The following SHANK2 variants were observed in gnomAD, a reference collection of about 807,000 sequenced individuals.
The protein encoded by SHANK2 is SH3 and multiple ankyrin repeat domains 2, also known as SH3 and multiple ankyrin repeat domains protein 2.
A neutral mutation model predicts 133.7 loss-of-function variants in SHANK2; 43 were observed. The observed-to-expected ratio is 0.32, with a 90% CI of 0.25 to 0.41. The LOEUF is 0.41. Ranked by LOEUF, SHANK2 falls within the 10% of genes least tolerant of loss-of-function variation. The probability of loss-of-function intolerance (pLI) is 1.00; values close to 1 mark genes in which losing one functional copy is unlikely to be tolerated. For missense variants in SHANK2, 1,994 were observed against 2,235.8 expected (o/e 0.89, Z 2.18); for synonymous variants, 1,017 against 952.8 (o/e 1.07, Z -1.24).
At chr11:70,524,203 G>A (rs1010277991) in intron 17 of SHANK2, among the ~76,000 whole-genome samples, 11 of 152,290 alleles carry the variant, frequency 7.2e-5, no homozygotes, top group African/African-American at 2.4e-4. Flanking sequence ...TCTCTACCAG[G>A]AGAGTAACCA....
chr11:70,509,020 G>A (rs2135866923), intron 17 of SHANK2, among the ~76,000 whole-genome samples: 2 of 152,344 alleles, frequency 1.3e-5, no homozygotes, highest in Non-Finnish European at 2.9e-5. Context: ...CTATGGGAGA[G>A]GCCTGGAAGA....
At chr11:70,908,883 C>T (rs941715782) in intron 10 of SHANK2, among the ~76,000 whole-genome samples, 19 of 152,192 alleles carry the variant, frequency 1.2e-4, no homozygotes, top group African/African-American at 3.4e-4. Flanking sequence ...GATGTTGAAA[C>T]GTCAGCCAGG....
chr11:70,952,547 G>T (rs1950859526), intron 10 of SHANK2, among the ~76,000 whole-genome samples: 1 of 152,144 alleles, frequency 6.6e-6, no homozygotes, highest in African/African-American at 2.4e-5. Flanking sequence ...GCAGTCTCTG[G>T]GTGGCGATGG....
At chr11:70,853,642 G>A (rs1462401943) in intron 11 of SHANK2, among the ~76,000 whole-genome samples, 6 of 152,240 alleles carry the variant, frequency 3.9e-5, no homozygotes, top group Admixed American at 3.9e-4. Context: ...GAGGGAGACA[G>A]AGTGAAAATA....
At position 71,163,093 on chromosome 11, in the gene SHANK2, A is replaced by AAAACATATATATATATATATATAT; in HGVS notation, c.-12-15756_-12-15755insATATATATATATATATATATGTTT. Reference sequence around the variant, plus strand: ...GTCTAAAAAAAAAAAAAAAAAAAAAAATACATATATATATATATACAGAAT... The same window carrying AAAACATATATATATATATATATAT: ...GTCTAAAAAAAAAAAAAAAAAAAAAAAAACATATATATATATATATATATATACATATATATATATATACAGAAT... On this transcript the variant is annotated intron_variant, in intron 2 of 25. Coordinates refer to ENST00000601538, the MANE Select transcript of SHANK2 (RefSeq NM_012309.5). 3.3e-4 allele frequency among the ~76,000 whole-genome samples: 28 copies of AAAACATATATATATATATATATAT among 84,696 alleles called. 1 individual carries two copies. Among genetic ancestry groups the AAAACATATATATATATATATATAT allele is most frequent in the African/African-American group, 1.1e-3 (24 of 21,782 alleles). 55.6% of individuals were successfully genotyped at this position (84,696 alleles called of 152,430 possible). A position where few individuals can be genotyped will look rare whatever the true frequency, so the allele number is the denominator to read the frequency against.
chr11:71,171,306 G>A (rs1410129187), intron 2 of SHANK2, among the ~76,000 whole-genome samples: 1 of 152,170 alleles, frequency 6.6e-6, no homozygotes, highest in Admixed American at 6.5e-5. Flanking sequence ...CTGAGAGCGA[G>A]ACTCAATCCA....
chr11:70,851,733 A>G (rs1278975130), intron 11 of SHANK2, among the ~76,000 whole-genome samples: 1 of 152,224 alleles, frequency 6.6e-6, no homozygotes, highest in Non-Finnish European at 1.5e-5. Context: ...CACCATGACT[A>G]TTAGAGGCTA....
intron 17 of SHANK2, among the ~76,000 whole-genome samples, chr11:70,521,868 G>A (rs547017185): frequency 2.0e-5 from 3 of 152,226 alleles, no homozygotes; most frequent in Non-Finnish European, 2.9e-5. Context: ...ACATGTCCTC[G>A]CTGCAAGGCT....
At chr11:70,758,781 C>T (rs966053064) in intron 14 of SHANK2, among the ~76,000 whole-genome samples, 5 of 152,238 alleles carry the variant, frequency 3.3e-5, no homozygotes. Context: ...CCTCCAACTT[C>T]TGCCTCCATC....
chr11:70,689,696 A>C (rs1215625887), intron 15 of SHANK2, among the ~76,000 whole-genome samples: 2 of 152,236 alleles, frequency 1.3e-5, no homozygotes, highest in South Asian at 4.1e-4. Flanking sequence ...ACCCCCAGAC[A>C]CCTGAACTTC....
chr11:70,570,030 C>T (rs2060025828), intron 17 of SHANK2, among the ~76,000 whole-genome samples: 1 of 152,150 alleles, frequency 6.6e-6, no homozygotes, highest in South Asian at 2.1e-4. Flanking sequence ...TCCCCCTGCA[C>T]ATTATTCACC....
intron 17 of SHANK2, chr11:70,603,909 G>A (rs2060536421): frequency 1.3e-5 from 2 of 152,700 alleles, no homozygotes; most frequent in Admixed American, 1.3e-4. Flanking sequence ...ACCCAGAAGT[G>A]GGGTGAGGAG....
intron 14 of SHANK2, among the ~76,000 whole-genome samples, chr11:70,736,212 A>G (rs1555033514): frequency 6.6e-6 from 1 of 152,098 alleles, no homozygotes; most frequent in African/African-American, 2.4e-5. Flanking sequence ...CTGGTGGCCA[A>G]CCGCTCGTTT....
chr11:70,498,675 C>A (rs1024637191), intron 21 of SHANK2, among the ~76,000 whole-genome samples: 1 of 152,166 alleles, frequency 6.6e-6, no homozygotes, highest in African/African-American at 2.4e-5. Context: ...GTAAAGCCAG[C>A]GGGGACAGAC....
Position 71,201,982 on chromosome 11 carries a change from C to G in SHANK2, c.-13+22715G>C, listed in dbSNP as rs139357060. Reference sequence around the variant, plus strand: ...GTCCCCTGTTCTACAGGATACCGACCAATTATTGTTATTTGGACAAGTCCT... The same window carrying G: ...GTCCCCTGTTCTACAGGATACCGACGAATTATTGTTATTTGGACAAGTCCT... On this transcript the variant is annotated intron_variant, in intron 2 of 25. Transcript: ENST00000601538. Among the ~76,000 whole-genome samples the G allele has an allele frequency of 6.0e-4, 91 of 152,328 alleles. 1 individual carries two copies. The highest frequency in any genetic ancestry group is 2.1e-3 in the African/African-American group (86 of 41,578).
At chr11:71,092,076 G>C (rs1394005919) in intron 8 of SHANK2, among the ~76,000 whole-genome samples, 1 of 152,108 alleles carries the variant, frequency 6.6e-6, no homozygotes, top group African/African-American at 2.4e-5. Flanking sequence ...TGCCCTGTCA[G>C]GACGGTGGGA....
In SHANK2 at chr11:70,490,277, T is replaced by A. The variant is rs532881257; in HGVS notation, c.2550A>T (p.Ile850=). Residue 850 remains isoleucine (I), a splice_region_variant and synonymous_variant, in exon 23 of 26, where the codon ATA becomes ATT. Coordinates refer to ENST00000601538, the MANE Select transcript of SHANK2 (RefSeq NM_012309.5). ...GTGGGGGAGTGCCACACTTCTTACC[T>A]ATTGATTTCTGCCTTCGCATCGTAC... ...PRGTMRRQKS[I]DSRIFLSGIT... is the part of the protein sequence containing the mutation. The A allele has an allele frequency of 6.2e-7, 1 of 1,613,414 alleles. No homozygotes were observed. Among genetic ancestry groups the A allele is most frequent in the South Asian group, 1.1e-5 (1 of 91,074 alleles).
intron 14 of SHANK2, among the ~76,000 whole-genome samples, chr11:70,783,490 G>A (rs905146378): frequency 8.5e-5 from 13 of 152,160 alleles, no homozygotes; most frequent in Non-Finnish European, 1.8e-4. Context: ...AGGGACAGCT[G>A]TTGGGAGAGA....
At position 70,906,420 on chromosome 11, in the gene SHANK2, C is replaced by T. The variant is rs868970420; in HGVS notation, c.1108-9853G>A. Among the ~76,000 whole-genome samples the T allele has an allele frequency of 8.5e-5, 13 of 152,308 alleles. No individual in the cohort carries two copies. In the Middle Eastern group the frequency reaches 0.014, roughly 159 times the overall value. ...AGAGCCCAGGCGAGGGTGGAGGCCA[C>T]CTCTCTCCTCATCACTTGCTCAACA... On this transcript the variant is annotated intron_variant, in intron 10 of 25. Coordinates refer to ENST00000601538, the MANE Select transcript of SHANK2 (RefSeq NM_012309.5).
Sources: allele counts gnomAD v4.1 joint callset (sites outside exome capture counted in the v4.1 genomes callset), GRCh38; gene constraint gnomAD v4.1.1; transcripts MANE v1.5; gene names NCBI Gene and HGNC (gene_info 2026-07-23, HGNC 2026-07-21).